TTC28: variants seen among roughly 807,000 people sequenced by gnomAD.
TTC28 encodes tetratricopeptide repeat domain 28.
In TTC28, 61 loss-of-function variants were observed where a neutral mutation model predicts 198.0. That is an observed-to-expected ratio of 0.31 (90% confidence interval 0.25 to 0.38). TTC28 has a LOEUF of 0.38. Among genes scored for constraint, TTC28 ranks in the 10% least tolerant of loss-of-function variants. The pLI is 1.00. For missense variants in TTC28, 2,678 were observed against 3,164.0 expected (o/e 0.85, Z 3.69); for synonymous variants, 1,171 against 1,297.8 (o/e 0.90, Z 2.10).
chr22:28,590,034 C>CAAAAAAAAAAAAAA (rs71194779), intron 2 of TTC28, among the ~76,000 whole-genome samples: 101 of 68,034 alleles, frequency 1.5e-3, no homozygotes, highest in South Asian at 2.0e-3. Context: ...AAGACTCCAT[C>CAAAAAAAAAAAAAA]AAAAAAAAAA....
intron 5 of TTC28, among the ~76,000 whole-genome samples, chr22:28,293,137 TA>T (rs894616644): frequency 6.0e-4 from 91 of 152,206 alleles, no homozygotes; most frequent in African/African-American, 2.1e-3. Context: ...AAAACAACCT[TA>T]AAAATTAGAG....
At chr22:28,307,676 C>G (rs1331005908) in intron 2 of TTC28, among the ~76,000 whole-genome samples, 1 of 152,164 alleles carries the variant, frequency 6.6e-6, no homozygotes, top group South Asian at 2.1e-4. Flanking sequence ...TTAAATAATA[C>G]ATACAAATAA....
At chr22:28,509,533 G>A (rs534805230) in intron 2 of TTC28, among the ~76,000 whole-genome samples, 1 of 152,308 alleles carries the variant, frequency 6.6e-6, no homozygotes, top group Admixed American at 6.5e-5. Flanking sequence ...AGTTAAAGCG[G>A]TGTTAAGAGG....
At chr22:27,989,132 C>T (rs1026295664) in intron 21 of TTC28, among the ~76,000 whole-genome samples, 5 of 152,162 alleles carry the variant, frequency 3.3e-5, no homozygotes, top group Non-Finnish European at 7.4e-5. Context: ...ACAGATGCAC[C>T]ATTACAGGTA....
intron 5 of TTC28, among the ~76,000 whole-genome samples, chr22:28,215,388 CACACTATGAAAAG>C (rs1360426230): frequency 6.6e-6 from 1 of 152,180 alleles, no homozygotes; most frequent in Non-Finnish European, 1.5e-5. Context: ...TACTATCTCA[CACACTATGAAAAG>C]AAGGTAGAGG....
intron 14 of TTC28, among the ~76,000 whole-genome samples, chr22:28,013,881 C>A: frequency 6.6e-6 from 1 of 152,274 alleles, no homozygotes; most frequent in Middle Eastern, 3.4e-3. Flanking sequence ...TAGAGGTGCA[C>A]CTGCGCCTCC....
In TTC28 at chr22:28,465,597, G is replaced by A. The variant is rs796931978; in HGVS notation, c.382-158954C>T. ...CTAGATGGTGCCACTGCACTCCAGC[G>A]TGGGCAACAAGAGCGAAACTCCGTC... On this transcript the variant is annotated intron_variant, in intron 2 of 22. Coordinates refer to ENST00000397906, the MANE Select transcript of TTC28 (RefSeq NM_001145418.2). 7.9e-5 allele frequency among the ~76,000 whole-genome samples: 12 copies of A among 151,700 alleles called. 1 individual carries two copies. Among genetic ancestry groups the A allele is most frequent in the East Asian group, 1.9e-4 (1 of 5,150 alleles).
chr22:28,310,971 G>A (rs1314180537), intron 2 of TTC28, among the ~76,000 whole-genome samples: 1 of 151,828 alleles, frequency 6.6e-6, no homozygotes, highest in African/African-American at 2.4e-5. Context: ...GTGGAGGCGG[G>A]GTTTCACCAT....
intron 5 of TTC28, among the ~76,000 whole-genome samples, chr22:28,234,852 T>C (rs1179552190): frequency 6.6e-6 from 1 of 152,228 alleles, no homozygotes; most frequent in African/African-American, 2.4e-5. Context: ...AGAATTGTGA[T>C]GCTAAATTGT....
chr22:28,458,659 A>G (rs1372021975), intron 2 of TTC28, among the ~76,000 whole-genome samples: 1 of 152,080 alleles, frequency 6.6e-6, no homozygotes, highest in East Asian at 1.9e-4. Context: ...AGGTGGGTGG[A>G]TCACGAGGTC....
rs1936947688 is a variant in TTC28 at position 27,979,519 on chromosome 22, G to A, written c.*2702C>T. The A allele has an allele frequency of 6.6e-6, 1 of 151,376 alleles. No individual in the cohort carries two copies. The highest frequency in any genetic ancestry group is 2.1e-4 in the South Asian group (1 of 4,810). The allele number at this position is 151,376 out of a possible 1,614,324, so 9.4% of individuals were successfully genotyped here. A position where few individuals can be genotyped will look rare whatever the true frequency, so the allele number is the denominator to read the frequency against. On this transcript the variant is annotated 3_prime_UTR_variant, in exon 23 of 23. Coordinates refer to ENST00000397906, the MANE Select transcript of TTC28 (RefSeq NM_001145418.2). The stretch of plus-strand genomic sequence containing the variant: ...AGGCCAGGTATTGAATATTTTATGT[G>A]GTGTGGGCCAAAGGCAAAATCAAAA...
chr22:28,589,302 T>C lies in TTC28; in HGVS notation c.381+40250A>G, dbSNP rs892253284. 2.0e-5 allele frequency among the ~76,000 whole-genome samples: 3 copies of C among 152,288 alleles called. 1 individual carries two copies. In the East Asian group the frequency reaches 5.8e-4, roughly 29 times the overall value. On this transcript the variant is annotated intron_variant, in intron 2 of 22. Transcript: ENST00000397906. ...TAGACCCTAATAGGCCAAACAGAAA[T>C]GGAGTCACTCATGTTTAAGTTCCAC... is the stretch of plus-strand genomic sequence containing the variant.
At chr22:28,087,472 TA>T (rs1467151089) in intron 12 of TTC28, among the ~76,000 whole-genome samples, 2 of 152,146 alleles carry the variant, frequency 1.3e-5, no homozygotes, top group African/African-American at 4.8e-5. Context: ...CCCTTCATGC[TA>T]AAAAGTCTCA....
intron 6 of TTC28, among the ~76,000 whole-genome samples, chr22:28,145,352 C>T (rs373051756): frequency 6.6e-6 from 1 of 152,124 alleles, no homozygotes; most frequent in South Asian, 2.1e-4. Flanking sequence ...TCACGTTAGG[C>T]TGCTTGAATG....
At chr22:28,610,956 C>T (rs1435063889) in intron 2 of TTC28, among the ~76,000 whole-genome samples, 2 of 151,064 alleles carry the variant, frequency 1.3e-5, no homozygotes, top group African/African-American at 2.4e-5. Flanking sequence ...ATCGATCAAG[C>T]GGAAGAAAAA....
At chr22:28,547,211 TGTGA>T (rs908483488) in intron 2 of TTC28, among the ~76,000 whole-genome samples, 5 of 150,590 alleles carry the variant, frequency 3.3e-5, no homozygotes, top group East Asian at 1.9e-4. Flanking sequence ...TATGTGTGTG[TGTGA>T]GTGTGTGTGT....
intron 5 of TTC28, among the ~76,000 whole-genome samples, chr22:28,190,711 C>T (rs1168207246): frequency 1.3e-5 from 2 of 152,224 alleles, no homozygotes; most frequent in Non-Finnish European, 2.9e-5. Flanking sequence ...TGAATAGTGT[C>T]TATCTCTATT....
At chr22:28,186,449 G>A (rs1052859508) in intron 5 of TTC28, among the ~76,000 whole-genome samples, 5 of 152,152 alleles carry the variant, frequency 3.3e-5, no homozygotes, top group African/African-American at 1.2e-4. Flanking sequence ...GACATTAACA[G>A]GATGGGCTAT....
chr22:28,544,079 G>A (rs961459991), intron 2 of TTC28, among the ~76,000 whole-genome samples: 1 of 152,144 alleles, frequency 6.6e-6, no homozygotes, highest in African/African-American at 2.4e-5. Flanking sequence ...AAATTAGCCA[G>A]GCGTGGTGGC....
Sources: allele counts gnomAD v4.1 joint callset (sites outside exome capture counted in the v4.1 genomes callset), GRCh38; gene constraint gnomAD v4.1.1; transcripts MANE v1.5; gene names NCBI Gene and HGNC (gene_info 2026-07-23, HGNC 2026-07-21).